Variants in EPHA7 observed in about 807,000 individuals in gnomAD.
EPHA7 encodes ephrin type-A receptor 7.
EPHA7 carries 25 observed loss-of-function variants against 112.6 expected under a neutral mutation model. That is an observed-to-expected ratio of 0.22 (90% CI 0.16 to 0.31). The LOEUF (loss-of-function observed/expected upper bound fraction) is 0.31, where lower values mean the gene tolerates loss of function less well. Among genes scored for constraint, EPHA7 ranks in the 10% least tolerant of loss-of-function variants. The probability of loss-of-function intolerance (pLI) is 1.00; values close to 1 mark genes in which losing one functional copy is unlikely to be tolerated. For synonymous variants in EPHA7, 437 were observed against 406.5 expected (o/e 1.07, Z -0.90); for missense variants, 962 against 1,212.6 (o/e 0.79, Z 3.07).
chr6:93,265,908 C>T (rs1314638022), intron 7 of EPHA7, among the ~76,000 whole-genome samples: 1 of 151,490 alleles, frequency 6.6e-6, no homozygotes, highest in Non-Finnish European at 1.5e-5. Flanking sequence ...TTGTCTGTCT[C>T]CTTTTGACAA....
At chr6:93,383,263 CGTGTGTGTGTGTGT>C (rs56368005) in intron 3 of EPHA7, among the ~76,000 whole-genome samples, 3 of 145,324 alleles carry the variant, frequency 2.1e-5, no homozygotes, top group East Asian at 4.1e-4. Flanking sequence ...TATTGGAACT[CGTGTGTGTGTGTGT>C]GTGTGTGTGT....
chr6:93,301,497 A>T (rs967373787), intron 5 of EPHA7, among the ~76,000 whole-genome samples: 1 of 152,188 alleles, frequency 6.6e-6, no homozygotes, highest in African/African-American at 2.4e-5. Context: ...AATCCATTCA[A>T]AACAAAGTTG....
At chr6:93,266,509 T>G (rs1457139517) in intron 7 of EPHA7, among the ~76,000 whole-genome samples, 1 of 151,770 alleles carries the variant, frequency 6.6e-6, no homozygotes, top group Non-Finnish European at 1.5e-5. Flanking sequence ...TATTTTCATC[T>G]ATTTCAGGGC....
At chr6:93,331,284 A>T (rs1024450770) in intron 5 of EPHA7, among the ~76,000 whole-genome samples, 17 of 151,568 alleles carry the variant, frequency 1.1e-4, no homozygotes, top group African/African-American at 3.9e-4. Flanking sequence ...ATATATAGTC[A>T]CACCACTATA....
At position 93,369,134 on chromosome 6, in the gene EPHA7, A is replaced by C. The variant is rs1027150720; in HGVS notation, c.833-10723T>G. On this transcript the variant is annotated intron_variant, in intron 3 of 16. Transcript: ENST00000369303. ...AGCTCAATCCTTTCTTTTTTAAAAA[A>C]AAGAGCTGGCAAAGAAAAAGAAAGA... Among the ~76,000 whole-genome samples, 7 of 151,810 alleles carry C rather than the reference A, an allele frequency of 4.6e-5. No homozygotes were observed. In the South Asian group the frequency reaches 1.5e-3, roughly 32 times the overall value.
At chr6:93,371,457 T>A (rs1776793175) in intron 3 of EPHA7, among the ~76,000 whole-genome samples, 1 of 152,134 alleles carries the variant, frequency 6.6e-6, no homozygotes, top group African/African-American at 2.4e-5. Flanking sequence ...GACTTAAGCA[T>A]CTGTGGATGC....
chr6:93,270,579 T>C (rs1347297672), intron 6 of EPHA7, among the ~76,000 whole-genome samples: 1 of 151,670 alleles, frequency 6.6e-6, no homozygotes, highest in African/African-American at 2.4e-5. Flanking sequence ...TTATTTGGTG[T>C]ATAATAAATA....
intron 5 of EPHA7, among the ~76,000 whole-genome samples, chr6:93,326,750 C>T (rs918568137): frequency 6.6e-6 from 1 of 151,432 alleles, no homozygotes; most frequent in Non-Finnish European, 1.5e-5. Flanking sequence ...CATACTAACA[C>T]ACATCCAGCG....
At chr6:93,273,744 A>G (rs1429360580) in intron 5 of EPHA7, among the ~76,000 whole-genome samples, 2 of 151,978 alleles carry the variant, frequency 1.3e-5, no homozygotes, top group East Asian at 3.9e-4. Context: ...ATTTCTAGTA[A>G]GAAATCTTAT....
intron 16 of EPHA7, among the ~76,000 whole-genome samples, chr6:93,243,878 C>T (rs1227665651): frequency 6.6e-6 from 1 of 151,444 alleles, no homozygotes; most frequent in African/African-American, 2.4e-5. Flanking sequence ...TATTCTTGAA[C>T]CTAATAGGGA....
At chr6:93,305,972 A>C (rs920000344) in intron 5 of EPHA7, among the ~76,000 whole-genome samples, 2 of 151,950 alleles carry the variant, frequency 1.3e-5, no homozygotes, top group South Asian at 4.1e-4. Flanking sequence ...TGGATATCAT[A>C]ATAAAATATC....
chr6:93,348,623 TA>T (rs1178745524), intron 5 of EPHA7, among the ~76,000 whole-genome samples: 1 of 151,876 alleles, frequency 6.6e-6, no homozygotes, highest in Non-Finnish European at 1.5e-5. Context: ...AGATTTTAAA[TA>T]TATTTACAGT....
intron 5 of EPHA7, among the ~76,000 whole-genome samples, chr6:93,284,481 G>A (rs1466221253): frequency 6.6e-6 from 1 of 151,972 alleles, no homozygotes; most frequent in Non-Finnish European, 1.5e-5. Flanking sequence ...GAAAAGGAAG[G>A]AAAATGAATG....
At chr6:93,281,672 A>T (rs2127898173) in intron 5 of EPHA7, among the ~76,000 whole-genome samples, 1 of 152,168 alleles carries the variant, frequency 6.6e-6, no homozygotes, top group East Asian at 1.9e-4. Context: ...ATTTTCTTTG[A>T]CCTCAGAACT....
intron 4 of EPHA7, 107 bp from the exon 5 acceptor site, chr6:93,357,159 T>G (rs1261917230): frequency 2.5e-6 from 2 of 791,676 alleles, no homozygotes; most frequent in Non-Finnish European, 3.9e-6. Flanking sequence ...GTGGCTCAAT[T>G]ACCAAAGAGA....
intron 3 of EPHA7, among the ~76,000 whole-genome samples, chr6:93,358,644 C>G (rs1244718974): frequency 2.6e-5 from 4 of 152,108 alleles, no homozygotes; most frequent in Non-Finnish European, 4.4e-5. Flanking sequence ...CAGTTGGCAC[C>G]AGGCCAAAGT....
At chr6:93,283,752 G>A (rs1014834623) in intron 5 of EPHA7, among the ~76,000 whole-genome samples, 2 of 152,138 alleles carry the variant, frequency 1.3e-5, no homozygotes, top group African/African-American at 2.4e-5. Context: ...CACTCACCAC[G>A]AGGGTCCGCG....
chr6:93,273,042 T>G lies in EPHA7; in HGVS notation c.1325-620A>C, dbSNP rs1771303814. ...GTGCATGAACACACATACATACACA[T>G]GGACTCTTGCATGTGTAATTTATAC... On this transcript the variant is annotated intron_variant, in intron 5 of 16. Transcript: ENST00000369303. Among the ~76,000 whole-genome samples, 3 of 152,078 alleles carry G rather than the reference T, an allele frequency of 2.0e-5. No homozygotes were observed. The South Asian group carries it at 6.2e-4, about 31-fold the overall frequency.
At chr6:93,417,287 C>G (rs186856428) in intron 1 of EPHA7, among the ~76,000 whole-genome samples, 7 of 152,132 alleles carry the variant, frequency 4.6e-5, no homozygotes, top group African/African-American at 1.7e-4. Context: ...CCAGCGCTAG[C>G]CCTTGGGTAC....
Sources: gnomAD v4.1 joint callset for allele counts (sites outside exome capture counted in the v4.1 genomes callset) on GRCh38, gnomAD v4.1.1 for gene constraint, MANE v1.5 for transcripts, NCBI Gene and HGNC (gene_info 2026-07-23, HGNC 2026-07-21) for gene names.